Variants in DYNLT2B observed in about 807,000 individuals in gnomAD.
The protein encoded by DYNLT2B is dynein light chain Tctex-type 2B.
DYNLT2B carries 14 observed loss-of-function variants against 19.5 expected under a neutral mutation model. That is an observed-to-expected ratio of 0.72 (90% CI 0.47 to 1.12). DYNLT2B has a LOEUF of 1.12. Among genes scored for constraint, DYNLT2B ranks in the 50% most tolerant of loss-of-function variants. DYNLT2B has a pLI of 0.00. For missense variants in DYNLT2B, 133 were observed against 174.7 expected (o/e 0.76, Z 1.35); for synonymous variants, 70 against 59.7 (o/e 1.17, Z -0.79).
intron 1 of DYNLT2B, 111 bp downstream of exon 1, chr3:196,317,929 G>T: frequency 2.2e-6 from 1 of 459,736 alleles, no homozygotes; most frequent in Non-Finnish European, 3.3e-6. Context: ...CTCCCGCCCC[G>T]CGGACCCCGC....
At chr3:196,317,060 GTGGT>G (rs1440145047) in intron 1 of DYNLT2B, among the ~76,000 whole-genome samples, 9 of 85,720 alleles carry the variant, frequency 1.0e-4, no homozygotes, top group Non-Finnish European at 1.8e-4. Flanking sequence ...TGGTGTGTGT[GTGGT>G]GTGTGTGTGT....
intron 2 of DYNLT2B, among the ~76,000 whole-genome samples, chr3:196,314,732 G>C (rs375567623): frequency 1.3e-5 from 2 of 151,816 alleles, no homozygotes; most frequent in Non-Finnish European, 2.9e-5. Flanking sequence ...TGAGATGGGA[G>C]GATCGCTTGA....
At chr3:196,309,022 T>C (rs1299491007) in intron 2 of DYNLT2B, among the ~76,000 whole-genome samples, 2 of 150,518 alleles carry the variant, frequency 1.3e-5, no homozygotes, top group African/African-American at 4.9e-5. Flanking sequence ...TCCCCCACAT[T>C]ATATCAGAGC....
At chr3:196,311,408 A>C (rs1726639199) in intron 2 of DYNLT2B, among the ~76,000 whole-genome samples, 1 of 151,890 alleles carries the variant, frequency 6.6e-6, no homozygotes, top group Non-Finnish European at 1.5e-5. Context: ...CTCAAAAAAA[A>C]AAAAAGAAGA....
At chr3:196,303,686 G>A (rs1726413062) in intron 3 of DYNLT2B, among the ~76,000 whole-genome samples, 1 of 152,082 alleles carries the variant, frequency 6.6e-6, no homozygotes, top group South Asian at 2.1e-4. Flanking sequence ...GAAAGTCTGA[G>A]AAACTGTTAC....
intron 3 of DYNLT2B, among the ~76,000 whole-genome samples, chr3:196,300,849 G>C (rs1310248929): frequency 6.6e-6 from 1 of 151,822 alleles, no homozygotes; most frequent in Admixed American, 6.6e-5. Context: ...CTTGAGCCAA[G>C]GACTTCAAGA....
chr3:196,311,530 T>C (rs947959678), intron 2 of DYNLT2B, among the ~76,000 whole-genome samples: 2 of 151,940 alleles, frequency 1.3e-5, no homozygotes, highest in Admixed American at 6.6e-5. Context: ...ATAGGAAACA[T>C]ATTCAGAGAT....
At chr3:196,303,511 T>A (rs895148125) in intron 3 of DYNLT2B, among the ~76,000 whole-genome samples, 1 of 152,192 alleles carries the variant, frequency 6.6e-6, no homozygotes, top group Non-Finnish European at 1.5e-5. Flanking sequence ...GTTGACAGTA[T>A]GTACCATTGA....
chr3:196,304,451 A>G (rs1255425713), intron 3 of DYNLT2B, among the ~76,000 whole-genome samples: 1 of 152,040 alleles, frequency 6.6e-6, no homozygotes, highest in Non-Finnish European at 1.5e-5. Context: ...TTTTTTTTAA[A>G]CAAAGGTAAT....
At chr3:196,293,646 A>ATTT (rs533399548) in intron 4 of DYNLT2B, among the ~76,000 whole-genome samples, 25,118 of 118,636 alleles carry the variant, frequency 0.21, 3,865 homozygotes, top group East Asian at 0.73. Flanking sequence ...AACAAGATGC[A>ATTT]TTTTTTTTTT....
At chr3:196,311,400 C>CA (rs530921121) in intron 2 of DYNLT2B, among the ~76,000 whole-genome samples, 4,093 of 102,246 alleles carry the variant, frequency 0.04, 95 homozygotes, top group South Asian at 0.13. Context: ...GACCCTGTCT[C>CA]AAAAAAAAAA....
intron 2 of DYNLT2B, among the ~76,000 whole-genome samples, chr3:196,312,768 T>C (rs956138516): frequency 6.6e-6 from 1 of 152,080 alleles, no homozygotes; most frequent in South Asian, 2.1e-4. Flanking sequence ...CCATAGTATA[T>C]TCTACTTTAA....
chr3:196,316,262 G>C, intron 1 of DYNLT2B, 31 bp from the exon 2 acceptor site: 4 of 1,585,962 alleles, frequency 2.5e-6, no homozygotes, highest in Non-Finnish European at 3.4e-6. Context: ...ACATCCAGTC[G>C]GTGACTCCAC....
chr3:196,301,593 A>C (rs1025868250), intron 3 of DYNLT2B, among the ~76,000 whole-genome samples: 1 of 152,172 alleles, frequency 6.6e-6, no homozygotes, highest in African/African-American at 2.4e-5. Flanking sequence ...GGCACCAGTA[A>C]TCCCAATTAC....
chr3:196,297,418 G>A (rs1011997016), intron 3 of DYNLT2B, among the ~76,000 whole-genome samples: 15 of 152,036 alleles, frequency 9.9e-5, no homozygotes, highest in African/African-American at 2.9e-4. Flanking sequence ...CCAGCTACTC[G>A]GGAGGCTGAG....
chr3:196,303,319 G>C (rs1192885853), intron 3 of DYNLT2B, among the ~76,000 whole-genome samples: 1 of 152,162 alleles, frequency 6.6e-6, no homozygotes, highest in African/African-American at 2.4e-5. Context: ...CCGCACAGCC[G>C]GCTGTGCGTG....
chr3:196,302,741 C>A (rs534922773), intron 3 of DYNLT2B, among the ~76,000 whole-genome samples: 1 of 151,954 alleles, frequency 6.6e-6, no homozygotes, highest in Non-Finnish European at 1.5e-5. Context: ...AGGATGAACA[C>A]GGAGGAAATG....
chr3:196,304,550 A>G (rs1369408675), intron 3 of DYNLT2B, among the ~76,000 whole-genome samples: 1 of 151,992 alleles, frequency 6.6e-6, no homozygotes, highest in Non-Finnish European at 1.5e-5. Context: ...TAGAAGGCCG[A>G]GCATGGTGTT....
chr3:196,309,001 G>A (rs1251963167), intron 2 of DYNLT2B, among the ~76,000 whole-genome samples: 1 of 151,702 alleles, frequency 6.6e-6, no homozygotes, highest in African/African-American at 2.4e-5. Context: ...TCATATCAGA[G>A]CAATTAAAAA....
Sources: allele counts gnomAD v4.1 joint callset (sites outside exome capture counted in the v4.1 genomes callset), GRCh38; gene constraint gnomAD v4.1.1; transcripts MANE v1.5; gene names NCBI Gene and HGNC (gene_info 2026-07-23, HGNC 2026-07-21).